The following TRHDE variants were observed in gnomAD, a reference collection of about 807,000 sequenced individuals.
TRHDE encodes thyrotropin-releasing hormone-degrading ectoenzyme.
Under a neutral mutation model 125.7 loss-of-function variants are expected in TRHDE, and 72 were observed. The observed-to-expected ratio is 0.57, with a 90% CI of 0.47 to 0.70. TRHDE has a LOEUF of 0.70. Ranked by LOEUF, TRHDE falls within the 30% of genes least tolerant of loss-of-function variation. TRHDE has a pLI of 0.00. For synonymous variants in TRHDE, 509 were observed against 509.1 expected (o/e 1.00, Z 0.00); for missense variants, 1,110 against 1,327.1 (o/e 0.84, Z 2.54).
intron 3 of TRHDE, among the ~76,000 whole-genome samples, chr12:72,425,129 G>C (rs1340481367): frequency 6.6e-6 from 1 of 152,092 alleles, no homozygotes; most frequent in Non-Finnish European, 1.5e-5. Flanking sequence ...AATTGCATAT[G>C]CATTTTGTTG....
chr12:72,272,664 G>T lies in TRHDE; in HGVS notation c.21G>T (p.Leu7=). MALDGE[L]GEQEEEKKKK... is the part of the protein sequence containing the mutation. ...GTGTGATGGCCCTGGACGGCGAGCT[G>T]GGGGAGCAAGAGGAGGAGAAGAAAA... Residue 7 remains leucine, a synonymous_variant, in exon 1 of 19, where the codon CTG becomes CTT. Transcript: ENST00000261180. This position sits in a 1 kb window ranked among gnomAD's most constrained non-coding sequence, Gnocchi z 6.7. 8.0e-7 allele frequency: 1 copy of T among 1,244,218 alleles called. No individual in the cohort carries two copies. The highest frequency in any genetic ancestry group is 2.7e-5 in the East Asian group (1 of 37,372). 77.1% of individuals were successfully genotyped at this position (1,244,218 alleles called of 1,614,324 possible). A position where few individuals can be genotyped will look rare whatever the true frequency, so the allele number is the denominator to read the frequency against.
intron 2 of TRHDE, among the ~76,000 whole-genome samples, chr12:72,335,084 G>A (rs1210510429): frequency 6.6e-6 from 1 of 152,202 alleles, no homozygotes; most frequent in African/African-American, 2.4e-5. Flanking sequence ...TGGGTGTGGT[G>A]TAGAACTGGA....
At chr12:72,394,702 C>T (rs563858038) in intron 3 of TRHDE, among the ~76,000 whole-genome samples, 2 of 152,232 alleles carry the variant, frequency 1.3e-5, no homozygotes, top group South Asian at 4.2e-4. Context: ...GGCAATTTTC[C>T]CTTTACATCT....
chr12:72,622,100 G>A (rs1413155464), intron 15 of TRHDE, among the ~76,000 whole-genome samples: 1 of 151,798 alleles, frequency 6.6e-6, no homozygotes, highest in Non-Finnish European at 1.5e-5. Flanking sequence ...AAAGGTTGTG[G>A]TATTTATTCG....
intron 3 of TRHDE, among the ~76,000 whole-genome samples, chr12:72,402,568 G>A (rs1873088069): frequency 2.0e-5 from 3 of 151,970 alleles, no homozygotes; most frequent in Non-Finnish European, 4.4e-5. Context: ...TTTTTATATC[G>A]ACACCAGTCA....
intron 5 of TRHDE, among the ~76,000 whole-genome samples, chr12:72,480,934 T>G (rs557792173): frequency 3.3e-5 from 5 of 152,232 alleles, no homozygotes; most frequent in African/African-American, 1.2e-4. Flanking sequence ...ATTTTATCTC[T>G]CCTTCTCACC....
At chr12:72,201,345 GAT>G (rs1415965067) in intron 2 of TRHDE, among the ~76,000 whole-genome samples, 3 of 152,032 alleles carry the variant, frequency 2.0e-5, no homozygotes, top group Admixed American at 6.5e-5. Flanking sequence ...GAGGCAGAGA[GAT>G]ATCAAAAAAA....
intron 2 of TRHDE, among the ~76,000 whole-genome samples, chr12:72,362,632 C>T (rs1186509866): frequency 2.5e-4 from 38 of 150,786 alleles, no homozygotes; most frequent in East Asian, 1.6e-3. Flanking sequence ...ACATGAAGTC[C>T]TTGCCCATGC....
intron 2 of TRHDE, among the ~76,000 whole-genome samples, chr12:72,209,528 A>G (rs1877733023): frequency 6.6e-6 from 1 of 152,254 alleles, no homozygotes; most frequent in Non-Finnish European, 1.5e-5. Context: ...ATTAACATTC[A>G]TAAATGCCAA....
At chr12:72,328,823 A>G (rs535588113) in intron 2 of TRHDE, among the ~76,000 whole-genome samples, 1 of 152,314 alleles carries the variant, frequency 6.6e-6, no homozygotes, top group South Asian at 2.1e-4. Context: ...CCTAATTGGC[A>G]TAATCCTTTT....
chr12:72,139,837 G>T (rs1876072040), intron 2 of TRHDE, among the ~76,000 whole-genome samples: 1 of 152,050 alleles, frequency 6.6e-6, no homozygotes, highest in African/African-American at 2.4e-5. Flanking sequence ...CACTAGTTCT[G>T]GTCATGATGG....
In TRHDE at chr12:72,652,408, T is replaced by G. The variant is rs767883512; in HGVS notation, c.2762T>G (p.Phe921Cys). ...GTCTGGGAATTCATATGGATGAAAT[T>G]CCATTCCACCACAGCAGTTTCTGAG... ...EDVWEFIWMK[F>C]HSTTAVSEKK... The change falls in exon 16 of 19, where the codon TTC becomes TGC. Residue 921 changes from phenylalanine (F) to cysteine (C), a missense_variant. Phe to Cys is a radical substitution (Grantham distance 205). This residue lies in a region of TRHDE where 527 missense variants were observed against 651.8 expected (regional missense o/e 0.81). Coordinates refer to ENST00000261180, the MANE Select transcript of TRHDE (RefSeq NM_013381.3). The G allele has an allele frequency of 2.5e-6, 4 of 1,608,312 alleles. No individual in the cohort carries two copies. Among genetic ancestry groups the G allele is most frequent in the Non-Finnish European group, 3.4e-6 (4 of 1,176,740 alleles).
chr12:72,629,889 A>G (rs1323731281), intron 15 of TRHDE, among the ~76,000 whole-genome samples: 1 of 151,548 alleles, frequency 6.6e-6, no homozygotes, highest in African/African-American at 2.4e-5. Flanking sequence ...GATTCTATAC[A>G]TATAATTCAC....
intron 2 of TRHDE, among the ~76,000 whole-genome samples, chr12:72,201,539 G>T (rs899985039): frequency 1.3e-5 from 2 of 152,144 alleles, no homozygotes; most frequent in Admixed American, 6.5e-5. Flanking sequence ...TCATAACAGG[G>T]ATCACCTCAA....
chr12:72,495,791 A>G (rs1401673863), intron 5 of TRHDE, among the ~76,000 whole-genome samples: 1 of 152,164 alleles, frequency 6.6e-6, no homozygotes, highest in Non-Finnish European at 1.5e-5. Flanking sequence ...CATTCTACAT[A>G]TACTCATGTA....
At chr12:72,500,764 G>T (rs772483345) in intron 6 of TRHDE, among the ~76,000 whole-genome samples, 5 of 150,110 alleles carry the variant, frequency 3.3e-5, no homozygotes, top group Non-Finnish European at 5.9e-5. Context: ...TAACTAGGAA[G>T]TTAGAAGTTA....
rs1349141932 is a variant in TRHDE, at chr12:72,630,557, A to G, written c.2675+8806A>G. Among the ~76,000 whole-genome samples, 4 of 151,796 alleles carry G rather than the reference A, an allele frequency of 2.6e-5. No individual in the cohort carries two copies. In the East Asian group the frequency reaches 7.8e-4, roughly 30 times the overall value. On this transcript the variant is annotated intron_variant, in intron 15 of 18. Coordinates refer to ENST00000261180, the MANE Select transcript of TRHDE (RefSeq NM_013381.3). ...GCAGCTCTAGAAAACTAATGCACAC[A>G]CCTTCAGTCTCTGCCTTATATTCAA...
chr12:72,195,327 C>T (rs1370829313), intron 2 of TRHDE, among the ~76,000 whole-genome samples: 3 of 152,130 alleles, frequency 2.0e-5, no homozygotes. Flanking sequence ...AATCTCTAAA[C>T]TGCTTTCCAC....
At chr12:72,599,076 C>A (rs1872099765) in intron 12 of TRHDE, among the ~76,000 whole-genome samples, 1 of 152,088 alleles carries the variant, frequency 6.6e-6, no homozygotes, top group Admixed American at 6.6e-5. Flanking sequence ...TTTTTTATGG[C>A]TGCATAGTAT....
Sources: gnomAD v4.1 joint callset for allele counts (sites outside exome capture counted in the v4.1 genomes callset) on GRCh38, gnomAD v4.1.1 for gene constraint, gnomAD v4.1.1 regional missense constraint, Gnocchi (gnomAD v3.1) non-coding constraint, MANE v1.5 for transcripts, NCBI Gene and HGNC (gene_info 2026-07-23, HGNC 2026-07-21) for gene names.